Variants in RBFOX1 observed in about 807,000 individuals in gnomAD.
RBFOX1 encodes RNA binding protein fox-1 homolog 1.
In RBFOX1, 8 loss-of-function variants were observed where a neutral mutation model predicts 57.7. The ratio of observed to expected loss-of-function variants is 0.14; its 90% CI spans 0.08 to 0.25. The LOEUF is 0.25. RBFOX1 is among the 10% of genes least tolerant of loss of function. The pLI is 1.00. For missense variants in RBFOX1, 611 were observed against 548.5 expected (o/e 1.11, Z -1.14); for synonymous variants, 326 against 222.4 (o/e 1.47, Z -4.15).
intron 1 of RBFOX1, among the ~76,000 whole-genome samples, chr16:6,154,698 G>T (rs561194596): frequency 6.6e-6 from 1 of 152,112 alleles, no homozygotes; most frequent in Non-Finnish European, 1.5e-5. Context: ...AATGGGATGC[G>T]GGTTTGAGCA....
intron 4 of RBFOX1, among the ~76,000 whole-genome samples, chr16:7,349,247 C>T (rs1369919972): frequency 6.6e-6 from 1 of 152,248 alleles, no homozygotes; most frequent in South Asian, 2.1e-4. Context: ...CCTTCTATCA[C>T]AAGTGGAGAC....
At chr16:5,847,095 G>A (rs2056775944) in intron 3 of RBFOX1, among the ~76,000 whole-genome samples, 1 of 152,152 alleles carries the variant, frequency 6.6e-6, no homozygotes, top group African/African-American at 2.4e-5. Context: ...ATTCCGAAGT[G>A]GCTGTGCAAG....
At chr16:7,171,449 T>A (rs558869162) in intron 4 of RBFOX1, among the ~76,000 whole-genome samples, 1 of 152,232 alleles carries the variant, frequency 6.6e-6, no homozygotes, top group Non-Finnish European at 1.5e-5. Flanking sequence ...GCTTTATGTA[T>A]GTGTGCTTTT....
chr16:6,576,272 A>T (rs1202360499), intron 2 of RBFOX1, among the ~76,000 whole-genome samples: 1 of 152,154 alleles, frequency 6.6e-6, no homozygotes, highest in East Asian at 1.9e-4. Flanking sequence ...GGATGTGCTG[A>T]CACACACACT....
chr16:7,265,601 A>G (rs1448007930), intron 4 of RBFOX1, among the ~76,000 whole-genome samples: 2 of 151,864 alleles, frequency 1.3e-5, no homozygotes, highest in Non-Finnish European at 2.9e-5. Context: ...GGCACCCACC[A>G]CCACGCCTGG....
chr16:7,075,479 A>G (rs1490093368), intron 4 of RBFOX1, among the ~76,000 whole-genome samples: 3 of 152,232 alleles, frequency 2.0e-5, no homozygotes, highest in Non-Finnish European at 4.4e-5. Context: ...TTACAGAAAT[A>G]TCTAGATTTT....
intron 4 of RBFOX1, among the ~76,000 whole-genome samples, chr16:5,968,851 C>G (rs572793782): frequency 6.6e-6 from 1 of 152,078 alleles, no homozygotes; most frequent in Non-Finnish European, 1.5e-5. Flanking sequence ...TTTTACCCAT[C>G]TTTAAAATGT....
At chr16:6,626,207 AT>A (rs1729436534) in intron 2 of RBFOX1, among the ~76,000 whole-genome samples, 2 of 149,692 alleles carry the variant, frequency 1.3e-5, no homozygotes, top group African/African-American at 5.0e-5. Flanking sequence ...TGTCCATCAG[AT>A]TGAACATTTA....
intron 4 of RBFOX1, among the ~76,000 whole-genome samples, chr16:7,487,202 C>G (rs980276778): frequency 1.3e-5 from 2 of 152,180 alleles, no homozygotes; most frequent in South Asian, 2.1e-4. Context: ...GCCTTAACCA[C>G]TTTCAGGCAT....
chr16:6,304,036 T>A lies in RBFOX1; in HGVS notation c.-126-12959T>A, dbSNP rs533105959. On this transcript the variant is annotated intron_variant, in intron 1 of 15. Coordinates refer to ENST00000550418, the MANE Select transcript of RBFOX1 (RefSeq NM_018723.4). Reference sequence around the variant, plus strand: ...CATGTTGATCAGGCTCGTCTTGAACTCCTGACCTCATGATCTGCCTGCCTG... The same window carrying A: ...CATGTTGATCAGGCTCGTCTTGAACACCTGACCTCATGATCTGCCTGCCTG... 3.3e-5 allele frequency among the ~76,000 whole-genome samples: 5 copies of A among 151,174 alleles called. No homozygotes were observed. In the South Asian group the frequency reaches 1.1e-3, roughly 32 times the overall value.
intron 1 of RBFOX1, among the ~76,000 whole-genome samples, chr16:5,352,614 A>G (rs2065287108): frequency 1.3e-5 from 2 of 152,156 alleles, no homozygotes; most frequent in South Asian, 4.1e-4. Context: ...ACATGACCAA[A>G]ATGTAATGAG....
chr16:5,488,645 G>GTGA (rs370184856), intron 2 of RBFOX1, among the ~76,000 whole-genome samples: 88,229 of 126,502 alleles, frequency 0.7, 33,896 homozygotes, highest in East Asian at 0.87. Flanking sequence ...AGTGATGATG[G>GTGA]TGATGATGAT....
At chr16:7,179,246 A>G (rs2082237306) in intron 4 of RBFOX1, among the ~76,000 whole-genome samples, 1 of 152,060 alleles carries the variant, frequency 6.6e-6, no homozygotes, top group Non-Finnish European at 1.5e-5. Flanking sequence ...TCCAAAAAGA[A>G]AATACTTAAG....
chr16:7,348,276 T>C (rs1308749767), intron 4 of RBFOX1, among the ~76,000 whole-genome samples: 1 of 152,236 alleles, frequency 6.6e-6, no homozygotes, highest in African/African-American at 2.4e-5. Flanking sequence ...GATTTCTTTG[T>C]GGTACATATA....
intron 14 of RBFOX1, among the ~76,000 whole-genome samples, chr16:7,702,142 G>A (rs2080941514): frequency 1.3e-5 from 2 of 152,206 alleles, no homozygotes; most frequent in African/African-American, 4.8e-5. Flanking sequence ...GATTAGCCCA[G>A]ACCTTACAAC....
chr16:7,184,127 G>C (rs1201025841), intron 4 of RBFOX1, among the ~76,000 whole-genome samples: 1 of 152,218 alleles, frequency 6.6e-6, no homozygotes. Flanking sequence ...TCACTGACAG[G>C]AAAGGGCTTT....
chr16:6,059,605 T>A (rs574617725), intron 1 of RBFOX1, among the ~76,000 whole-genome samples: 3 of 152,256 alleles, frequency 2.0e-5, no homozygotes, highest in African/African-American at 7.2e-5. Context: ...TTTAAATGGG[T>A]TCTCTGAGTA....
intron 4 of RBFOX1, among the ~76,000 whole-genome samples, chr16:7,151,131 T>C (rs913228851): frequency 6.6e-6 from 1 of 152,176 alleles, no homozygotes; most frequent in African/African-American, 2.4e-5. Flanking sequence ...AGCAATGTCC[T>C]ATGTAAACTT....
At chr16:5,479,269 G>A (rs1484804056) in intron 2 of RBFOX1, among the ~76,000 whole-genome samples, 1 of 152,068 alleles carries the variant, frequency 6.6e-6, no homozygotes, top group Non-Finnish European at 1.5e-5. Flanking sequence ...CCAATCAGAT[G>A]ACATGTTTGC....
Sources: allele counts gnomAD v4.1 joint callset (sites outside exome capture counted in the v4.1 genomes callset), GRCh38; gene constraint gnomAD v4.1.1; transcripts MANE v1.5; gene names NCBI Gene and HGNC (gene_info 2026-07-23, HGNC 2026-07-21).